Variants in RIN1 observed in about 807,000 individuals in gnomAD.
RIN1 encodes Ras and Rab interactor 1, also known as ras inhibitor 1.
In RIN1, 52 loss-of-function variants were observed where a neutral mutation model predicts 64.9. That is an observed-to-expected ratio of 0.80 (90% CI 0.64 to 1.01). The LOEUF is 1.01. RIN1 is among the 50% of genes least tolerant of loss of function. The pLI is 0.00. For synonymous variants in RIN1, 486 were observed against 483.6 expected (o/e 1.00, Z -0.06); for missense variants, 1,040 against 1,064.5 (o/e 0.98, Z 0.32).
rs1854744307 is a variant in RIN1 at position 66,332,067 on chromosome 11, G to A, written c.*209C>T. 2 of 598,616 alleles carry A rather than the reference G, an allele frequency of 3.3e-6. No individual in the cohort carries two copies. The highest frequency in any genetic ancestry group is 5.6e-5 in the East Asian group (2 of 35,964). 37.1% of individuals were successfully genotyped at this position (598,616 alleles called of 1,614,324 possible). On this transcript the variant is annotated 3_prime_UTR_variant, in exon 10 of 10. Coordinates refer to ENST00000311320, the MANE Select transcript of RIN1 (RefSeq NM_004292.3). ...GAAGAACAAGAGGCAAGGGGCCTTGGGCACACAGTCTGGGGGCCCCCGAAG... is the reference window on the plus strand; with the variant it reads ...GAAGAACAAGAGGCAAGGGGCCTTGAGCACACAGTCTGGGGGCCCCCGAAG...
At chr11:66,332,819 A>AT in intron 9 of RIN1, 67 bp from the exon 10 acceptor site, 3 of 1,210,178 alleles carry the variant, frequency 2.5e-6, no homozygotes, top group Non-Finnish European at 3.4e-6. Flanking sequence ...TCCAAAGCTG[A>AT]GACATCAGCT....
intron 9 of RIN1, chr11:66,332,988 G>C: frequency 1.7e-6 from 1 of 605,390 alleles, no homozygotes; most frequent in East Asian, 2.8e-5. Context: ...AGATTTGATA[G>C]TGAGTAATTT....
chr11:66,333,912 G>C lies in RIN1; in HGVS notation c.1591+7C>G. 1 of 1,515,072 alleles carries C rather than the reference G, an allele frequency of 6.6e-7. No individual in the cohort carries two copies. The allele number at this position is 1,515,072 out of a possible 1,614,324, so 93.9% of individuals were successfully genotyped here. A position where few individuals can be genotyped will look rare whatever the true frequency, so the allele number is the denominator to read the frequency against. On this transcript the variant is annotated splice_region_variant and intron_variant, in intron 7 of 9. Transcript: ENST00000311320. The stretch of plus-strand genomic sequence containing the variant: ...CAGGGCAGGGTGAGGTGGTGGCAGG[G>C]ACATACCTTCCTGGGTCCTCAGGGC...
In RIN1 at chr11:66,333,279, C is replaced by T; in HGVS notation, c.1854G>A (p.Leu618=). 1.9e-6 allele frequency: 3 copies of T among 1,611,356 alleles called. No homozygotes were observed. Among genetic ancestry groups the T allele is most frequent in the Non-Finnish European group, 2.5e-6 (3 of 1,179,974 alleles). ...RSLSLWEQRR[L]PATHCFQHLL... ...TTACCTGGAAGCAGTGGGTGGCAGG[C>T]AGGCGGCGCTGCTCCCAGAGGCTGA... is the stretch of plus-strand genomic sequence containing the variant. The change falls in exon 9 of 10, where the codon CTG becomes CTA. Residue 618 remains leucine (L), a synonymous_variant. Coordinates refer to ENST00000311320, the MANE Select transcript of RIN1 (RefSeq NM_004292.3).
At chr11:66,333,115 T>C in intron 9 of RIN1, 143 bp downstream of exon 9, 2 of 984,804 alleles carry the variant, frequency 2.0e-6, no homozygotes, top group Non-Finnish European at 3.0e-6. Flanking sequence ...GTTAAGTAAC[T>C]CGCCCAAGTC....
At position 66,332,135 on chromosome 11, in the gene RIN1, C is replaced by G. The variant is rs1000810804; in HGVS notation, c.*141G>C. 4 of 852,966 alleles carry G rather than the reference C, an allele frequency of 4.7e-6. No homozygotes were observed. The highest frequency in any genetic ancestry group is 7.5e-6 in the Non-Finnish European group (4 of 533,328). 52.8% of individuals were successfully genotyped at this position (852,966 alleles called of 1,614,324 possible). ...CAGTTCCTCAGATGTGGCAGTTCCC[C>G]CAGCTTCCCTGGAAACAAGTATCAG... On this transcript the variant is annotated 3_prime_UTR_variant, in exon 10 of 10. Coordinates refer to ENST00000311320, the MANE Select transcript of RIN1 (RefSeq NM_004292.3).
chr11:66,333,000 T>G, intron 9 of RIN1: 1 of 603,386 alleles, frequency 1.7e-6, no homozygotes, highest in Non-Finnish European at 2.9e-6. Context: ...GAGTAATTTG[T>G]GCCCCAAGCA....
Position 66,335,635 on chromosome 11 carries a change from G to A in RIN1, c.430C>T (p.Leu144Phe), listed in dbSNP as rs759656363. The change falls in exon 4 of 10, where the codon CTC becomes TTC. Residue 144 changes from leucine to phenylalanine, a missense_variant. Coordinates refer to ENST00000311320, the MANE Select transcript of RIN1 (RefSeq NM_004292.3). ...CGGGTGTGGCAGTAGGCACAGATGA[G>A]CTGGACTAGGTCTGGGAACATGAGC... ...SELMFPDLVQ[L>F]ICAYCHTRDI... 2 of 1,613,782 alleles carry A rather than the reference G, an allele frequency of 1.2e-6. No individual in the cohort carries two copies. Among genetic ancestry groups the A allele is most frequent in the African/African-American group, 1.3e-5 (1 of 75,048 alleles).
upstream of RIN1, chr11:66,336,665 G>A (rs1484443973): frequency 6.3e-6 from 3 of 473,106 alleles, no homozygotes; most frequent in Non-Finnish European, 1.1e-5. Flanking sequence ...AGCCTCACCA[G>A]CTACTCACAT....
chr11:66,334,846 G>C lies in RIN1; in HGVS notation c.953C>G (p.Ser318Cys). The change falls in exon 6 of 10, where the codon TCC (serine) becomes TGC (cysteine). Residue 318 changes from serine (S) to cysteine (C), a missense_variant. Ser to Cys is a moderately radical substitution (Grantham distance 112, BLOSUM62 -1). Coordinates refer to ENST00000311320, the MANE Select transcript of RIN1 (RefSeq NM_004292.3). Reference sequence around the variant, plus strand: ...CCCCTCCTCCTCGGAGCTGCTGGGGGAGCCGCAGTCCACCTCTTGGAGGGA... The same window carrying C: ...CCCCTCCTCCTCGGAGCTGCTGGGGCAGCCGCAGTCCACCTCTTGGAGGGA... ...MPSLQEVDCG[S>C]PSSSEEEGVP... The C allele has an allele frequency of 6.4e-7, 1 of 1,551,946 alleles. No homozygotes were observed. Among genetic ancestry groups the C allele is most frequent in the Non-Finnish European group, 8.7e-7 (1 of 1,146,918 alleles).
At position 66,333,843 on chromosome 11, in the gene RIN1, C is replaced by T. The variant is rs1045229903; in HGVS notation, c.1591+76G>A. On this transcript the variant is annotated intron_variant, in intron 7 of 9. Coordinates refer to ENST00000311320, the MANE Select transcript of RIN1 (RefSeq NM_004292.3). ...CTCTCCTGCAGGGCTGTTCTAGGGT[C>T]CTGGGGACCTGCCGCTGGGGGGCCC... is the stretch of plus-strand genomic sequence containing the variant. 19 of 1,448,560 alleles carry T rather than the reference C, an allele frequency of 1.3e-5. No individual in the cohort carries two copies. In the African/African-American group the frequency reaches 2.4e-4, roughly 19 times the overall value. The allele number at this position is 1,448,560 out of a possible 1,614,324, so 89.7% of individuals were successfully genotyped here. A position where few individuals can be genotyped will look rare whatever the true frequency, so the allele number is the denominator to read the frequency against.
Position 66,335,195 on chromosome 11 carries a change from C to G in RIN1, c.604G>C (p.Val202Leu). 1.9e-6 allele frequency: 3 copies of G among 1,565,282 alleles called. No homozygotes were observed. The highest frequency in any genetic ancestry group is 2.6e-6 in the Non-Finnish European group (3 of 1,166,478). Residue 202 changes from valine (V) to leucine (L), a missense_variant, in exon 6 of 10, where the codon GTG (valine) becomes CTG (leucine). By Grantham distance (32) the Val-to-Leu change is conservative. Coordinates refer to ENST00000311320, the MANE Select transcript of RIN1 (RefSeq NM_004292.3). ...GACCGGGCCTTCAGCTGGGGCAACA[C>G]TGGGCCTCCAGCCGGGCCCCGCTGA... ...KAQRGPAGGPVLPQLKARSPQ... is the reference protein window; with the variant it reads ...KAQRGPAGGPLLPQLKARSPQ...
rs1335786158 is a variant in RIN1 at position 66,331,571 on chromosome 11, C to A, written c.*705G>T. 2 of 152,258 alleles carry A rather than the reference C, an allele frequency of 1.3e-5. No individual in the cohort carries two copies. The highest frequency in any genetic ancestry group is 4.8e-5 in the African/African-American group (2 of 41,470). The allele number at this position is 152,258 out of a possible 1,614,324, so 9.4% of individuals were successfully genotyped here. A position where few individuals can be genotyped will look rare whatever the true frequency, so the allele number is the denominator to read the frequency against. Reference sequence around the variant, plus strand: ...TGAACTGGGCATCAGCAGGTGGGAGCCCTGTCTGGCAGAGAGCGGACTCCG... The same window carrying A: ...TGAACTGGGCATCAGCAGGTGGGAGACCTGTCTGGCAGAGAGCGGACTCCG... On this transcript the variant is annotated 3_prime_UTR_variant, in exon 10 of 10. Coordinates refer to ENST00000311320, the MANE Select transcript of RIN1 (RefSeq NM_004292.3).
chr11:66,335,915 C>A, intron 2 of RIN1, 39 bp from the exon 3 acceptor site: 1 of 1,508,182 alleles, frequency 6.6e-7, no homozygotes, highest in Non-Finnish European at 8.9e-7. Flanking sequence ...AGGACCTTGG[C>A]GTCCCATCCC....
At position 66,332,667 on chromosome 11, in the gene RIN1, G is replaced by T; in HGVS notation, c.1961C>A (p.Thr654Asn). 1 of 1,583,982 alleles carries T rather than the reference G, an allele frequency of 6.3e-7. No individual in the cohort carries two copies. The highest frequency in any genetic ancestry group is 8.6e-7 in the Non-Finnish European group (1 of 1,164,314). ...LAVPPEASIA[T>N]LNQLCATKFR... Reference sequence around the variant, plus strand: ...CTTGGTGGCACAGAGCTGGTTCAGGGTGGCAATCGAGGCTTCTGGGGGCAC... The same window carrying T: ...CTTGGTGGCACAGAGCTGGTTCAGGTTGGCAATCGAGGCTTCTGGGGGCAC... The change falls in exon 10 of 10, where the codon ACC becomes AAC. Residue 654 changes from threonine to asparagine, a missense_variant. Transcript: ENST00000311320.
chr11:66,335,805 G>T lies in RIN1; in HGVS notation c.339C>A (p.Gly113=). ...TGTAGTGGCTGGAGACGAAGGAGGG[G>T]CCACTGGCTTCAGGCAACCGCATGC... ...ALCMRLPEAS[G]PSFVSSHYIL... Residue 113 remains glycine, a synonymous_variant, in exon 3 of 10, where the codon GGC becomes GGA. Coordinates refer to ENST00000311320, the MANE Select transcript of RIN1 (RefSeq NM_004292.3). 5 of 1,610,402 alleles carry T rather than the reference G, an allele frequency of 3.1e-6. No individual in the cohort carries two copies. Among genetic ancestry groups the T allele is most frequent in the Non-Finnish European group, 4.2e-6 (5 of 1,177,570 alleles).
At chr11:66,333,679 G>A (rs1190971097) in intron 7 of RIN1, 21 bp from the exon 8 acceptor site, 1 of 1,603,020 alleles carries the variant, frequency 6.2e-7, no homozygotes, top group South Asian at 1.1e-5. Context: ...ATGGTGAGAG[G>A]AAGAAGCTTC....
Position 66,333,662 on chromosome 11 carries a change from T to G in RIN1, c.1592-4A>C. ...TCGTCGGCACCCGCGCCCTCCCCTG[T>G]GGGGACATGGTGAGAGGAAGAAGCT... On this transcript the variant is annotated splice_region_variant and splice_polypyrimidine_tract_variant and intron_variant, in intron 7 of 9. Transcript: ENST00000311320. 1.2e-6 allele frequency: 2 copies of G among 1,609,194 alleles called. No individual in the cohort carries two copies. Among genetic ancestry groups the G allele is most frequent in the Non-Finnish European group, 1.7e-6 (2 of 1,177,804 alleles).
At position 66,334,891 on chromosome 11, in the gene RIN1, G is replaced by A; in HGVS notation, c.908C>T (p.Pro303Leu). ...VGYRVPAGSGPSLPPMPSLQE... is the reference protein window; with the variant it reads ...VGYRVPAGSGLSLPPMPSLQE... ...GAGGGAGGGCATAGGCGGAAGGCTA[G>A]GGCCACTGCCTGCTGGCACGCGGTA... Residue 303 changes from proline to leucine, a missense_variant, in exon 6 of 10, where the codon CCT becomes CTT. Physicochemically the swap from Pro to Leu is moderately conservative, Grantham distance 98. Transcript: ENST00000311320. 2 of 1,575,896 alleles carry A rather than the reference G, an allele frequency of 1.3e-6. No homozygotes were observed. Among genetic ancestry groups the A allele is most frequent in the African/African-American group, 1.3e-5 (1 of 74,270 alleles).
Sources: allele counts gnomAD v4.1 joint callset, GRCh38; gene constraint gnomAD v4.1.1; transcripts MANE v1.5; gene names NCBI Gene and HGNC (gene_info 2026-07-23, HGNC 2026-07-21).